Variants in PTPRO observed in about 807,000 individuals in gnomAD.
The protein encoded by PTPRO is receptor-type tyrosine-protein phosphatase O.
Under a neutral mutation model 145.2 loss-of-function variants are expected in PTPRO, and 62 were observed. That is an observed-to-expected ratio of 0.43 (90% CI 0.35 to 0.53). The LOEUF (loss-of-function observed/expected upper bound fraction) is 0.53, where lower values mean the gene tolerates loss of function less well. Ranked by LOEUF, PTPRO falls within the 20% of genes least tolerant of loss-of-function variation. The probability of loss-of-function intolerance (pLI) is 0.01; values close to 1 mark genes in which losing one functional copy is unlikely to be tolerated. For missense variants in PTPRO, 1,345 were observed against 1,482.7 expected (o/e 0.91, Z 1.53); for synonymous variants, 565 against 514.7 (o/e 1.10, Z -1.32).
At chr12:15,415,206 C>T (rs906086108) in intron 1 of PTPRO, among the ~76,000 whole-genome samples, 11 of 151,910 alleles carry the variant, frequency 7.2e-5, no homozygotes, top group Non-Finnish European at 1.0e-4. Flanking sequence ...TCTCTTTTTT[C>T]CTGGCCCGTC....
chr12:15,362,093 G>C (rs1224936925), intron 1 of PTPRO, among the ~76,000 whole-genome samples: 3 of 152,130 alleles, frequency 2.0e-5, no homozygotes, highest in Non-Finnish European at 4.4e-5. Flanking sequence ...AACTCCTCCG[G>C]TATTGCATTG....
chr12:15,396,692 C>A (rs1939350229), intron 1 of PTPRO, among the ~76,000 whole-genome samples: 1 of 151,998 alleles, frequency 6.6e-6, no homozygotes, highest in Admixed American at 6.6e-5. Context: ...AACATAGGCT[C>A]GCTCTTCAAC....
At chr12:15,407,108 A>G (rs1939668705) in intron 1 of PTPRO, among the ~76,000 whole-genome samples, 1 of 152,332 alleles carries the variant, frequency 6.6e-6, no homozygotes, top group African/African-American at 2.4e-5. Context: ...AGAAATGAGA[A>G]TGCTGCTGTT....
intron 1 of PTPRO, among the ~76,000 whole-genome samples, chr12:15,332,299 T>C (rs1359908212): frequency 1.3e-5 from 2 of 152,190 alleles, no homozygotes; most frequent in Admixed American, 6.5e-5. Context: ...AATGTAACCT[T>C]AAGGATAAAG....
intron 16 of PTPRO, among the ~76,000 whole-genome samples, chr12:15,559,370 T>G (rs1943717004): frequency 6.6e-6 from 1 of 152,202 alleles, no homozygotes; most frequent in Non-Finnish European, 1.5e-5. Flanking sequence ...GGTGACAGTA[T>G]TTTTCCCCCT....
intron 6 of PTPRO, 136 bp from the exon 7 acceptor site, chr12:15,508,435 T>C: frequency 1.1e-6 from 1 of 899,986 alleles, no homozygotes; most frequent in Non-Finnish European, 1.8e-6. Flanking sequence ...ACCTGAAGAG[T>C]TGCCAGTCCG....
rs776106355 is a variant in PTPRO, at chr12:15,495,910, A to AG, written c.350-1329dup. Among the ~76,000 whole-genome samples, 7 of 152,088 alleles carry AG rather than the reference A, an allele frequency of 4.6e-5. No individual in the cohort carries two copies. The East Asian group carries it at 1.3e-3, about 29-fold the overall frequency. On this transcript the variant is annotated intron_variant, in intron 2 of 26. Transcript: ENST00000281171. ...CAGCCTAAGCAAAGCAGGACAAGAA[A>AG]GGGGGGAAGTTAATCTACAACATGG...
At chr12:15,490,394 C>A (rs1423241690) in intron 2 of PTPRO, among the ~76,000 whole-genome samples, 2 of 152,198 alleles carry the variant, frequency 1.3e-5, no homozygotes, top group East Asian at 3.8e-4. Flanking sequence ...TAAACAACAG[C>A]AGCCACACAC....
intron 7 of PTPRO, among the ~76,000 whole-genome samples, chr12:15,513,230 G>A (rs1235342336): frequency 7.4e-5 from 8 of 107,704 alleles, no homozygotes; most frequent in Non-Finnish European, 1.1e-4. Context: ...AGAAAGAAAA[G>A]AAAGAAAGAG....
chr12:15,591,410 C>A (rs1191931663), intron 25 of PTPRO, among the ~76,000 whole-genome samples: 1 of 151,998 alleles, frequency 6.6e-6, no homozygotes, highest in Non-Finnish European at 1.5e-5. Context: ...TAATTATGGC[C>A]TGTTTGCTTT....
chr12:15,548,906 G>A (rs1232146184), intron 13 of PTPRO, among the ~76,000 whole-genome samples, 188 bp from the exon 14 acceptor site: 1 of 152,044 alleles, frequency 6.6e-6, no homozygotes, highest in Admixed American at 6.6e-5. Context: ...ATGGAATAAT[G>A]CTGCTTCCAT....
intron 1 of PTPRO, among the ~76,000 whole-genome samples, chr12:15,473,537 G>T (rs183472404): frequency 6.6e-6 from 1 of 152,036 alleles, no homozygotes; most frequent in African/African-American, 2.4e-5. Flanking sequence ...AGTCTGAGGC[G>T]CACAGACCAC....
chr12:15,493,537 C>A (rs1942041520), intron 2 of PTPRO, among the ~76,000 whole-genome samples: 1 of 151,692 alleles, frequency 6.6e-6, no homozygotes, highest in African/African-American at 2.4e-5. Flanking sequence ...GCTGATTGAC[C>A]AAAAAACATA....
At chr12:15,585,553 C>T (rs528885825) in intron 23 of PTPRO, among the ~76,000 whole-genome samples, 2 of 152,160 alleles carry the variant, frequency 1.3e-5, no homozygotes, top group African/African-American at 4.8e-5. Context: ...TTTATTTATA[C>T]ATTTTATTTA....
intron 15 of PTPRO, among the ~76,000 whole-genome samples, chr12:15,556,867 A>G (rs1943641123): frequency 6.6e-6 from 1 of 152,242 alleles, no homozygotes; most frequent in African/African-American, 2.4e-5. Context: ...TATTTCTTTT[A>G]GAATCATGAA....
chr12:15,431,911 T>C (rs1940451089), intron 1 of PTPRO, among the ~76,000 whole-genome samples: 3 of 152,212 alleles, frequency 2.0e-5, no homozygotes, highest in Admixed American at 6.5e-5. Context: ...TTAATAATCT[T>C]AAGTAATATT....
chr12:15,370,894 T>C (rs192597013), intron 1 of PTPRO, among the ~76,000 whole-genome samples: 45 of 152,282 alleles, frequency 3.0e-4, no homozygotes, highest in Middle Eastern at 6.8e-3. Flanking sequence ...ACAGCTTAAA[T>C]TTCCAACAAT....
chr12:15,546,626 T>A lies in PTPRO; in HGVS notation c.2222T>A (p.Leu741Ter). ...AVNKTQTSVT[L>*]LWVEEGVADF... ...AACAAAACCCAGACTTCAGTGACTT[T>A]GCTGTGGGTGGAAGAGGGAGTAGCT... Residue 741 changes from leucine to a stop codon, truncating the protein, a stop_gained, in exon 13 of 27, where the codon TTG becomes TAG. Coordinates refer to ENST00000281171, the MANE Select transcript of PTPRO (RefSeq NM_030667.3). LOFTEE classifies it high-confidence loss of function. 2 of 1,613,730 alleles carry A rather than the reference T, an allele frequency of 1.2e-6. No individual in the cohort carries two copies. The highest frequency in any genetic ancestry group is 1.7e-6 in the Non-Finnish European group (2 of 1,179,812).
intron 12 of PTPRO, among the ~76,000 whole-genome samples, chr12:15,528,518 C>A: frequency 8.5e-6 from 1 of 117,036 alleles, no homozygotes; most frequent in Non-Finnish European, 1.8e-5. Flanking sequence ...GAGCAAGAAT[C>A]TGTCAAAAAA....
Sources: allele counts gnomAD v4.1 joint callset (sites outside exome capture counted in the v4.1 genomes callset), GRCh38; gene constraint gnomAD v4.1.1; transcripts MANE v1.5; gene names NCBI Gene and HGNC (gene_info 2026-07-23, HGNC 2026-07-21).